Variants in INSL6 observed in about 807,000 individuals in gnomAD.
INSL6 encodes insulin like 6.
In INSL6, 16 loss-of-function variants were observed where a neutral mutation model predicts 9.4. The ratio of observed to expected loss-of-function variants is 1.70; its 90% confidence interval spans 1.15 to 2.59. The LOEUF (loss-of-function observed/expected upper bound fraction) is 2.59, where lower values mean the gene tolerates loss of function less well. INSL6 is among the 30% of genes most tolerant of loss of function. The pLI is 0.00. For missense variants in INSL6, 391 were observed against 257.3 expected, an observed-to-expected ratio of 1.52 and a Z score of -3.56; for synonymous variants, 154 against 96.9, an observed-to-expected ratio of 1.59 and a Z score of -3.46.
chr9:5,155,148 A>C (rs1222548231), intron 2 of INSL6, among the ~76,000 whole-genome samples: 6 of 152,004 alleles, frequency 3.9e-5, no homozygotes, highest in African/African-American at 1.4e-4. Flanking sequence ...TGCAGCCATA[A>C]AAAATGATGA....
At chr9:4,992,872 G>C in the INSL6 span, among the ~76,000 whole-genome samples, 2 of 152,250 alleles carry the variant, frequency 1.3e-5, no homozygotes, top group South Asian at 4.2e-4. Flanking sequence ...TCCTTGATTA[G>C]GTCTCAGTCC....
the INSL6 span, among the ~76,000 whole-genome samples, chr9:5,103,714 TG>T: frequency 6.6e-6 from 1 of 152,094 alleles, no homozygotes; most frequent in East Asian, 1.9e-4. Context: ...CACAACAAAC[TG>T]GCTCTCAGAG....
chr9:5,081,020 T>C, the INSL6 span, among the ~76,000 whole-genome samples: 7 of 150,544 alleles, frequency 4.6e-5, no homozygotes, highest in South Asian at 2.1e-4. Flanking sequence ...CTCAGCCTCC[T>C]GAGTAGCTGG....
chr9:5,180,757 G>C (rs1203866968), intron 1 of INSL6, among the ~76,000 whole-genome samples: 1 of 152,132 alleles, frequency 6.6e-6, no homozygotes, highest in Non-Finnish European at 1.5e-5. Flanking sequence ...ACCTTTATCA[G>C]TAGTTCTGCT....
intron 2 of INSL6, among the ~76,000 whole-genome samples, chr9:5,150,736 TC>T (rs1824694209): frequency 1.3e-5 from 2 of 151,938 alleles, no homozygotes; most frequent in African/African-American, 2.4e-5. Flanking sequence ...CTAAAGGAAA[TC>T]ATTATAGCAA....
At chr9:5,029,243 A>G in the INSL6 span, among the ~76,000 whole-genome samples, 2 of 152,178 alleles carry the variant, frequency 1.3e-5, no homozygotes, top group Non-Finnish European at 2.9e-5. Context: ...AAGGAGAGGG[A>G]GAGACACAGG....
intron 3 of INSL6, among the ~76,000 whole-genome samples, chr9:5,124,514 A>T (rs1166055340): frequency 1.3e-5 from 2 of 151,728 alleles, no homozygotes; most frequent in African/African-American, 2.4e-5. Context: ...TGCAGTTCCT[A>T]TCAAAATACC....
At chr9:5,088,139 T>C in the INSL6 span, among the ~76,000 whole-genome samples, 2 of 152,140 alleles carry the variant, frequency 1.3e-5, no homozygotes, top group Non-Finnish European at 2.9e-5. Flanking sequence ...AAAACCTCAT[T>C]TTAGGGAGTT....
At chr9:5,006,501 T>C in the INSL6 span, among the ~76,000 whole-genome samples, 1 of 152,154 alleles carries the variant, frequency 6.6e-6, no homozygotes, top group Non-Finnish European at 1.5e-5. Context: ...CTGGGTAGTT[T>C]TTAAAGAAAA....
intron 1 of INSL6, among the ~76,000 whole-genome samples, chr9:5,171,403 C>G (rs1342872324): frequency 6.6e-6 from 1 of 152,194 alleles, no homozygotes; most frequent in African/African-American, 2.4e-5. Flanking sequence ...AAGCTGGATT[C>G]ATTCCCTTGA....
intron 2 of INSL6, among the ~76,000 whole-genome samples, chr9:5,141,317 T>A (rs201234372): frequency 1.3e-5 from 2 of 152,130 alleles, no homozygotes; most frequent in African/African-American, 2.4e-5. Flanking sequence ...TTTACACTCC[T>A]ACCAGCAGTG....
At chr9:5,149,422 G>A (rs1291454401) in intron 2 of INSL6, among the ~76,000 whole-genome samples, 1 of 152,070 alleles carries the variant, frequency 6.6e-6, no homozygotes, top group East Asian at 1.9e-4. Flanking sequence ...TACCCACCAT[G>A]ATCTCAGCAG....
the INSL6 span, among the ~76,000 whole-genome samples, chr9:5,058,287 G>A: frequency 1.2e-4 from 18 of 152,240 alleles, no homozygotes; most frequent in East Asian, 1.7e-3. Context: ...TAATTGACTC[G>A]CAGTTCGGCA....
the INSL6 span, chr9:5,044,350 C>T: frequency 6.5e-6 from 7 of 1,084,404 alleles, no homozygotes; most frequent in Admixed American, 1.7e-5. Context: ...ATAGATAGTA[C>T]GTTTGTATTT....
the INSL6 span, among the ~76,000 whole-genome samples, chr9:5,013,251 C>T: frequency 6.6e-6 from 1 of 151,952 alleles, no homozygotes; most frequent in Non-Finnish European, 1.5e-5. Context: ...CTTTAGAGTA[C>T]AATACAAAAT....
chr9:5,170,818 T>C (rs549472932), intron 1 of INSL6, among the ~76,000 whole-genome samples: 144 of 152,228 alleles, frequency 9.5e-4, no homozygotes, highest in Admixed American at 1.8e-3. Flanking sequence ...AATAGACTAA[T>C]AACAAGTTCT....
At chr9:5,183,789 G>C (rs191824914) in intron 1 of INSL6, among the ~76,000 whole-genome samples, 334 of 152,206 alleles carry the variant, frequency 2.2e-3, no homozygotes, top group Non-Finnish European at 3.6e-3. Context: ...AAAAAAGAGA[G>C]AGACAGACAG....
At chr9:5,058,816 G>A in the INSL6 span, among the ~76,000 whole-genome samples, 13 of 152,024 alleles carry the variant, frequency 8.6e-5, no homozygotes, top group African/African-American at 2.9e-4. Flanking sequence ...TTTCATATAT[G>A]TATTGCCATT....
At chr9:5,080,188 T>TGTGAATTA in the INSL6 span, 1 of 1,440,208 alleles carries the variant, frequency 6.9e-7, no homozygotes, top group Non-Finnish European at 9.5e-7. Flanking sequence ...TTGGTTTACT[T>TGTGAATTA]GTGAATTATT....
Sources: gnomAD v4.1 joint callset for allele counts (sites outside exome capture counted in the v4.1 genomes callset) on GRCh38, gnomAD v4.1.1 for gene constraint, MANE v1.5 for transcripts, NCBI Gene and HGNC (gene_info 2026-07-23, HGNC 2026-07-21) for gene names.